The following UNC5D variants were observed in gnomAD, a reference collection of about 807,000 sequenced individuals.
UNC5D encodes the protein netrin receptor UNC5D.
UNC5D carries 39 observed loss-of-function variants against 105.4 expected under a neutral mutation model. That is an observed-to-expected ratio of 0.37 (90% confidence interval 0.29 to 0.48). UNC5D has a LOEUF of 0.48. Among genes scored for constraint, UNC5D ranks in the 20% least tolerant of loss-of-function variants. The pLI is 0.98. For missense variants in UNC5D, 991 were observed against 1,202.4 expected (o/e 0.82, Z 2.60); for synonymous variants, 452 against 450.4 (o/e 1.00, Z -0.04).
chr8:35,633,172 C>T (rs1340586024), intron 4 of UNC5D, among the ~76,000 whole-genome samples: 6 of 152,208 alleles, frequency 3.9e-5, no homozygotes, highest in Non-Finnish European at 8.8e-5. Flanking sequence ...CCTTGACATC[C>T]TGTGCTCCCT....
chr8:35,674,727 T>C (rs1050185548), intron 4 of UNC5D, among the ~76,000 whole-genome samples: 1 of 152,176 alleles, frequency 6.6e-6, no homozygotes, highest in African/African-American at 2.4e-5. Context: ...GGGAATCCCA[T>C]CTTCACCTCT....
Position 35,676,978 on chromosome 8 carries a change from A to T in UNC5D, c.571-6569A>T, listed in dbSNP as rs373188594. Among the ~76,000 whole-genome samples, 276 of 152,262 alleles carry T rather than the reference A, an allele frequency of 1.8e-3. 2 individuals are homozygous for T. The highest frequency in any genetic ancestry group is 6.5e-3 in the African/African-American group (271 of 41,548). ...ATAAGAATCAAAAAATATTACATTG[A>T]AATAAACATCTCTGGCTTTTCATGA... On this transcript the variant is annotated intron_variant, in intron 4 of 16. Coordinates refer to ENST00000404895, the MANE Select transcript of UNC5D (RefSeq NM_080872.4).
rs1183166496 is a variant in UNC5D, at chr8:35,579,489, A to G, written c.466+11248A>G. ...ATTTTAGGAGCCACCAAGAGTGACA[A>G]TTTACTGATCCCTGAGGCCTAAGAT... is the stretch of plus-strand genomic sequence containing the variant. On this transcript the variant is annotated intron_variant, in intron 3 of 16. Coordinates refer to ENST00000404895, the MANE Select transcript of UNC5D (RefSeq NM_080872.4). 2.6e-5 allele frequency among the ~76,000 whole-genome samples: 4 copies of G among 152,286 alleles called. No homozygotes were observed. In the East Asian group the frequency reaches 7.7e-4, roughly 29 times the overall value.
chr8:35,367,962 T>C (rs1333302426), intron 1 of UNC5D, among the ~76,000 whole-genome samples: 4 of 152,192 alleles, frequency 2.6e-5, no homozygotes, highest in African/African-American at 9.6e-5. Context: ...TATTTTTAAT[T>C]TATTAGCAAG....
At chr8:35,477,083 G>T (rs911384304) in intron 1 of UNC5D, among the ~76,000 whole-genome samples, 1 of 152,084 alleles carries the variant, frequency 6.6e-6, no homozygotes, top group Non-Finnish European at 1.5e-5. Context: ...TATCTGATGT[G>T]CTGTACTTGA....
At chr8:35,625,258 T>C (rs1821637721) in intron 4 of UNC5D, among the ~76,000 whole-genome samples, 2 of 152,234 alleles carry the variant, frequency 1.3e-5, no homozygotes, top group Admixed American at 1.3e-4. Context: ...AAATGCGCCT[T>C]ATAGGTGCTC....
At chr8:35,432,277 T>A (rs1806696625) in intron 1 of UNC5D, among the ~76,000 whole-genome samples, 1 of 152,224 alleles carries the variant, frequency 6.6e-6, no homozygotes, top group Non-Finnish European at 1.5e-5. Flanking sequence ...CTATTATTGT[T>A]GTTATTATTA....
chr8:35,504,583 C>T (rs1478239793), intron 1 of UNC5D, among the ~76,000 whole-genome samples: 1 of 152,168 alleles, frequency 6.6e-6, no homozygotes, highest in Non-Finnish European at 1.5e-5. Flanking sequence ...GCTTAATCAC[C>T]TTATTGGAGG....
chr8:35,569,278 C>T (rs1031270898), intron 3 of UNC5D, among the ~76,000 whole-genome samples: 1 of 152,094 alleles, frequency 6.6e-6, no homozygotes, highest in African/African-American at 2.4e-5. Context: ...CTTTTGTGTG[C>T]CTGGGATGGT....
intron 1 of UNC5D, among the ~76,000 whole-genome samples, chr8:35,276,814 T>C (rs187522334): frequency 4.4e-4 from 67 of 152,280 alleles, no homozygotes; most frequent in African/African-American, 1.6e-3. Context: ...CCCACAGAGT[T>C]TTGCCTAGTC....
chr8:35,773,801 C>T (rs1019928917), intron 15 of UNC5D, among the ~76,000 whole-genome samples: 3 of 152,192 alleles, frequency 2.0e-5, no homozygotes, highest in African/African-American at 7.2e-5. Flanking sequence ...CAACTTACTG[C>T]AACTTCCACC....
intron 1 of UNC5D, among the ~76,000 whole-genome samples, chr8:35,474,796 G>A (rs1809972398): frequency 6.6e-6 from 1 of 152,146 alleles, no homozygotes; most frequent in South Asian, 2.1e-4. Flanking sequence ...CAGTAGCTAA[G>A]ATAATAAATT....
intron 1 of UNC5D, among the ~76,000 whole-genome samples, chr8:35,381,330 A>G (rs1317172557): frequency 6.6e-6 from 1 of 152,128 alleles, no homozygotes; most frequent in Non-Finnish European, 1.5e-5. Flanking sequence ...TTTTACCTCT[A>G]ACTCTTCCAG....
At chr8:35,698,720 T>A (rs1482494421) in intron 7 of UNC5D, among the ~76,000 whole-genome samples, 2 of 152,142 alleles carry the variant, frequency 1.3e-5, no homozygotes, top group African/African-American at 4.8e-5. Flanking sequence ...GCAATAAACA[T>A]GGGAATGTGG....
chr8:35,245,335 C>A (rs986353775), intron 1 of UNC5D, among the ~76,000 whole-genome samples: 6 of 152,104 alleles, frequency 3.9e-5, no homozygotes, highest in African/African-American at 1.4e-4. Flanking sequence ...TGCCAGAGAA[C>A]TATAACTGTG....
intron 11 of UNC5D, among the ~76,000 whole-genome samples, chr8:35,744,386 T>C (rs1829906429): frequency 6.6e-6 from 1 of 152,230 alleles, no homozygotes; most frequent in African/African-American, 2.4e-5. Flanking sequence ...AATAGTTATT[T>C]ATTACTGTTT....
In UNC5D at chr8:35,711,168, T is replaced by TTTTTGTTTTGTTTTG. The variant is rs536017128; in HGVS notation, c.1117+5223_1117+5237dup. On this transcript the variant is annotated intron_variant, in intron 8 of 16. Coordinates refer to ENST00000404895, the MANE Select transcript of UNC5D (RefSeq NM_080872.4). ...TATATGATCTGGTCCCGGCTTTCTG[T>TTTTTGTTTTGTTTTG]TTTTGTTTTGTTTTGTTTTGTTTTG... is the stretch of plus-strand genomic sequence containing the variant. Among the ~76,000 whole-genome samples the TTTTTGTTTTGTTTTG allele has an allele frequency of 7.9e-3, 1,177 of 148,382 alleles. 10 individuals carry two copies. The highest frequency in any genetic ancestry group is 0.027 in the African/African-American group (1,086 of 39,562).
intron 7 of UNC5D, among the ~76,000 whole-genome samples, chr8:35,703,053 T>G (rs1158059162): frequency 6.6e-6 from 1 of 152,008 alleles, no homozygotes; most frequent in Admixed American, 6.6e-5. Context: ...GAAGTTTTGA[T>G]TTGCGTTGGT....
intron 1 of UNC5D, among the ~76,000 whole-genome samples, chr8:35,458,721 T>C (rs571776222): frequency 2.9e-4 from 44 of 152,320 alleles, no homozygotes; most frequent in Admixed American, 1.9e-3. Context: ...AAGTAACCTT[T>C]TTAAGGCCAT....
Sources: gnomAD v4.1 joint callset for allele counts (sites outside exome capture counted in the v4.1 genomes callset) on GRCh38, gnomAD v4.1.1 for gene constraint, MANE v1.5 for transcripts, NCBI Gene and HGNC (gene_info 2026-07-23, HGNC 2026-07-21) for gene names.